Variants in RSPRY1 observed in about 807,000 individuals in gnomAD.
The protein encoded by RSPRY1 is RING finger and SPRY domain-containing protein 1.
A neutral mutation model predicts 73.1 loss-of-function variants in RSPRY1; 23 were observed. The ratio of observed to expected loss-of-function variants is 0.31; its 90% CI spans 0.23 to 0.45. The LOEUF (loss-of-function observed/expected upper bound fraction) is 0.45, where lower values mean the gene tolerates loss of function less well. Ranked by LOEUF, RSPRY1 falls within the 20% of genes least tolerant of loss-of-function variation. The pLI, the probability that RSPRY1 is intolerant of heterozygous loss-of-function variation, is 1.00. For missense variants in RSPRY1, 448 were observed against 698.7 expected (o/e 0.64, Z 4.05); for synonymous variants, 226 against 251.4 (o/e 0.90, Z 0.95).
Position 57,204,893 on chromosome 16 carries a change from G to T in RSPRY1, c.235G>T (p.Asp79Tyr). Residue 79 changes from aspartate to tyrosine, a missense_variant, in exon 2 of 15, where the codon GAC becomes TAC. Physicochemically the swap from Asp to Tyr is radical, Grantham distance 160 (BLOSUM62 -3). Coordinates refer to ENST00000394420, the MANE Select transcript of RSPRY1 (RefSeq NM_133368.3). ...TGCTGACACAAGGAGCCAACCACGG[G>T]ACCCTGTTCGGCCACCAAGGAGGGG... ...PTADTRSQPR[D>Y]PVRPPRRGRG... 6.2e-7 allele frequency: 1 copy of T among 1,614,198 alleles called. No homozygotes were observed. Among genetic ancestry groups the T allele is most frequent in the South Asian group, 1.1e-5 (1 of 91,080 alleles).
At chr16:57,218,876 C>T (rs1015997070) in intron 8 of RSPRY1, among the ~76,000 whole-genome samples, 2 of 139,902 alleles carry the variant, frequency 1.4e-5, no homozygotes, top group African/African-American at 5.5e-5. Flanking sequence ...GCTGGGACTA[C>T]AGGCGCCCGC....
At position 57,216,947 on chromosome 16, in the gene RSPRY1, G is replaced by A; in HGVS notation, c.813G>A (p.Arg271=). The A allele has an allele frequency of 6.2e-7, 1 of 1,613,558 alleles. No individual in the cohort carries two copies. Among genetic ancestry groups the A allele is most frequent in the Non-Finnish European group, 8.5e-7 (1 of 1,179,534 alleles). The change falls in exon 8 of 15, where the codon CGG becomes CGA. Residue 271 remains arginine, a synonymous_variant. Coordinates refer to ENST00000394420, the MANE Select transcript of RSPRY1 (RefSeq NM_133368.3). ...TTTCTGAATCCAGTATTAGTGACCG[G>A]CTTGTCACATTGGAGTCCTGGGCTA... is the stretch of plus-strand genomic sequence containing the variant. ...LTISESSISD[R]LVTLESWAND...
At chr16:57,207,043 C>T (rs992468104) in intron 2 of RSPRY1, among the ~76,000 whole-genome samples, 3 of 152,192 alleles carry the variant, frequency 2.0e-5, no homozygotes, top group Non-Finnish European at 4.4e-5. Context: ...TGGTGATGGT[C>T]ACTTAGGTTA....
At chr16:57,201,364 G>A (rs1420438859) in intron 1 of RSPRY1, among the ~76,000 whole-genome samples, 6 of 151,470 alleles carry the variant, frequency 4.0e-5, no homozygotes, top group African/African-American at 1.5e-4. Flanking sequence ...CAGACGGGGC[G>A]GCAGGGCAGA....
intron 1 of RSPRY1, among the ~76,000 whole-genome samples, chr16:57,187,754 G>A (rs1246007124): frequency 6.6e-6 from 1 of 152,042 alleles, no homozygotes; most frequent in African/African-American, 2.4e-5. Flanking sequence ...AAAGCTTCAA[G>A]GTTCACAGCT....
intron 2 of RSPRY1, chr16:57,205,271 ATAGAG>A (rs1490723076): frequency 7.2e-6 from 3 of 418,890 alleles, no homozygotes; most frequent in Admixed American, 3.6e-5. Flanking sequence ...TTATTAGAGA[ATAGAG>A]TAAATATGGA....
intron 6 of RSPRY1, 82 bp from the exon 7 acceptor site, chr16:57,216,025 G>T: frequency 9.4e-7 from 1 of 1,059,606 alleles, no homozygotes; most frequent in Non-Finnish European, 1.4e-6. Flanking sequence ...CACATATTGG[G>T]CAAGGAAATG....
At chr16:57,196,039 A>G (rs2146184350) in intron 1 of RSPRY1, among the ~76,000 whole-genome samples, 1 of 143,508 alleles carries the variant, frequency 7.0e-6, no homozygotes, top group African/African-American at 2.6e-5. Context: ...AAAAAAATAT[A>G]TATATATATA....
chr16:57,223,385 C>A (rs1358035959), intron 10 of RSPRY1, among the ~76,000 whole-genome samples: 11 of 152,212 alleles, frequency 7.2e-5, no homozygotes, highest in African/African-American at 2.7e-4. Flanking sequence ...TAGTTCTGTT[C>A]AGGTAACCTA....
chr16:57,235,316 C>T (rs555581232), intron 14 of RSPRY1, 88 bp downstream of exon 14: 2 of 922,072 alleles, frequency 2.2e-6, no homozygotes, highest in East Asian at 2.5e-5. Flanking sequence ...GTATCTAAAG[C>T]AGGCTGAATG....
intron 8 of RSPRY1, chr16:57,219,766 A>G (rs1188913991): frequency 4.6e-5 from 7 of 152,084 alleles, no homozygotes; most frequent in African/African-American, 1.7e-4. Flanking sequence ...CCAATGTTTT[A>G]TTTTAGTAGC....
intron 14 of RSPRY1, 139 bp from the exon 15 acceptor site, chr16:57,238,740 T>C (rs1012155055): frequency 3.8e-6 from 2 of 523,126 alleles, no homozygotes; most frequent in Non-Finnish European, 3.4e-6. Context: ...TATTTACATA[T>C]TCATTTTTTT....
chr16:57,228,743 G>T (rs1449065351), intron 11 of RSPRY1, among the ~76,000 whole-genome samples: 2 of 152,094 alleles, frequency 1.3e-5, no homozygotes, highest in Non-Finnish European at 2.9e-5. Context: ...GCCCAGGCTT[G>T]CGTGCAGTGG....
At chr16:57,237,111 G>A (rs1003296284) in intron 14 of RSPRY1, among the ~76,000 whole-genome samples, 3 of 152,152 alleles carry the variant, frequency 2.0e-5, no homozygotes, top group African/African-American at 7.2e-5. Flanking sequence ...AGGTTGCAGT[G>A]AGCAGAGATC....
intron 1 of RSPRY1, among the ~76,000 whole-genome samples, chr16:57,200,740 G>A (rs1183018479): frequency 7.2e-6 from 1 of 138,206 alleles, no homozygotes; most frequent in Non-Finnish European, 1.6e-5. Flanking sequence ...GGGCGGCCGG[G>A]CAGAGGCGCC....
At chr16:57,232,314 A>C (rs1182920628) in intron 13 of RSPRY1, among the ~76,000 whole-genome samples, 1 of 152,224 alleles carries the variant, frequency 6.6e-6, no homozygotes, top group African/African-American at 2.4e-5. Context: ...GATGAACTAG[A>C]AAATGGGACG....
chr16:57,212,711 T>C (rs1411809178), intron 4 of RSPRY1, among the ~76,000 whole-genome samples: 1 of 151,932 alleles, frequency 6.6e-6, no homozygotes, highest in Non-Finnish European at 1.5e-5. Flanking sequence ...ACCTCCCAGG[T>C]TCAAGTGATT....
At chr16:57,216,519 A>G (rs2074943094) in intron 7 of RSPRY1, 1 of 328,998 alleles carries the variant, frequency 3.0e-6, no homozygotes, top group Non-Finnish European at 5.6e-6. Flanking sequence ...GGAATTCGAG[A>G]CCAGGGTGGG....
intron 1 of RSPRY1, among the ~76,000 whole-genome samples, chr16:57,200,668 C>G (rs1314829116): frequency 8.7e-6 from 1 of 115,166 alleles, no homozygotes; most frequent in Non-Finnish European, 1.8e-5. Flanking sequence ...GGGGCTGACC[C>G]CCCCACCTCC....
Sources: gnomAD v4.1 joint callset for allele counts (sites outside exome capture counted in the v4.1 genomes callset) on GRCh38, gnomAD v4.1.1 for gene constraint, MANE v1.5 for transcripts, NCBI Gene and HGNC (gene_info 2026-07-23, HGNC 2026-07-21) for gene names.